Variants in CLSTN1 observed in about 807,000 individuals in gnomAD.
CLSTN1 encodes calsyntenin-1.
CLSTN1 carries 28 observed loss-of-function variants against 108.3 expected under a neutral mutation model. That is an observed-to-expected ratio of 0.26 (90% CI 0.19 to 0.35). The LOEUF (loss-of-function observed/expected upper bound fraction) is 0.35, where lower values mean the gene tolerates loss of function less well. Ranked by LOEUF, CLSTN1 falls within the 10% of genes least tolerant of loss-of-function variation. The pLI is 1.00. For synonymous variants in CLSTN1, 524 were observed against 534.9 expected (o/e 0.98, Z 0.28); for missense variants, 1,157 against 1,302.6 (o/e 0.89, Z 1.72).
Position 9,744,382 on chromosome 1 carries a change from G to C in CLSTN1, c.1234+13C>G, listed in dbSNP as rs1312301025. 2 of 1,598,482 alleles carry C rather than the reference G, an allele frequency of 1.3e-6. No homozygotes were observed. The highest frequency in any genetic ancestry group is 1.7e-6 in the Non-Finnish European group (2 of 1,171,972). ...ACTGGGGCCTGGCATCGCTTGCAGA[G>C]CTATTACCCTACCTGTTTTATCAGA... On this transcript the variant is annotated intron_variant, in intron 8 of 18. Coordinates refer to ENST00000377298, the MANE Select transcript of CLSTN1 (RefSeq NM_001009566.3).
intron 9 of CLSTN1, among the ~76,000 whole-genome samples, chr1:9,742,054 C>T (rs1054511735): frequency 3.9e-5 from 6 of 152,334 alleles, no homozygotes; most frequent in Middle Eastern, 3.4e-3. Context: ...AACTGTGTTC[C>T]CATCCTGTGA....
chr1:9,797,259 C>T (rs1166236106), intron 1 of CLSTN1, among the ~76,000 whole-genome samples: 1 of 151,720 alleles, frequency 6.6e-6, no homozygotes, highest in African/African-American at 2.4e-5. Context: ...TGAGTCCTGA[C>T]TGGGCAATGC....
intron 2 of CLSTN1, among the ~76,000 whole-genome samples, chr1:9,762,960 CTTTT>C (rs34695145): frequency 2.6e-5 from 4 of 151,096 alleles, no homozygotes; most frequent in Admixed American, 6.6e-5. Context: ...TTCGGGGTAC[CTTTT>C]TTTTTCTTTT....
chr1:9,818,871 C>T (rs1434985490), intron 1 of CLSTN1, among the ~76,000 whole-genome samples: 1 of 147,512 alleles, frequency 6.8e-6, no homozygotes, highest in Non-Finnish European at 1.5e-5. Flanking sequence ...ACTGCAAGCT[C>T]CACCTCCCGG....
chr1:9,823,800 G>T lies in CLSTN1; in HGVS notation c.-67C>A. 1 of 813,896 alleles carries T rather than the reference G, an allele frequency of 1.2e-6. No individual in the cohort carries two copies. Among genetic ancestry groups the T allele is most frequent in the Non-Finnish European group, 1.5e-6 (1 of 665,724 alleles). The allele number at this position is 813,896 out of a possible 1,614,324, so 50.4% of individuals were successfully genotyped here. ...CCGAGCGGAGCTCTCGGAGCTCTCGGGGCTCTAGGGGCCTGGGGCTAGCTG... is the reference window on the plus strand; with the variant it reads ...CCGAGCGGAGCTCTCGGAGCTCTCGTGGCTCTAGGGGCCTGGGGCTAGCTG... On this transcript the variant is annotated 5_prime_UTR_variant, in exon 1 of 19. Coordinates refer to ENST00000377298, the MANE Select transcript of CLSTN1 (RefSeq NM_001009566.3). The surrounding 1 kb of genome is among the most constrained non-coding windows in gnomAD (Gnocchi z 6.3).
chr1:9,767,984 CAATGAGGTCTGTGACATT>C (rs941617384), intron 2 of CLSTN1, among the ~76,000 whole-genome samples: 13 of 152,296 alleles, frequency 8.5e-5, no homozygotes, highest in African/African-American at 2.6e-4. Context: ...TCCCCCAAAC[CAATGAGGTCTGTGACATT>C]AATGAGGTCT....
At chr1:9,786,662 A>AAAC (rs1653505505) in intron 1 of CLSTN1, among the ~76,000 whole-genome samples, 1 of 150,302 alleles carries the variant, frequency 6.7e-6, no homozygotes, top group African/African-American at 2.4e-5. Flanking sequence ...AAAAAAAAAA[A>AAAC]AAAAAAAAAA....
At chr1:9,749,981 G>T in intron 5 of CLSTN1, 68 bp from the exon 6 acceptor site, 1 of 1,370,540 alleles carries the variant, frequency 7.3e-7, no homozygotes, top group East Asian at 2.3e-5. Flanking sequence ...TGTCCTAGGC[G>T]GAAAGACAAA....
At chr1:9,764,637 T>TAAAAAAAA (rs70998307) in intron 2 of CLSTN1, among the ~76,000 whole-genome samples, 1 of 82,332 alleles carries the variant, frequency 1.2e-5, no homozygotes, top group Non-Finnish European at 2.3e-5. Flanking sequence ...GCTCCATCTT[T>TAAAAAAAA]AAAAAAAAAA....
At chr1:9,776,797 T>C (rs536578852) in intron 1 of CLSTN1, among the ~76,000 whole-genome samples, 1 of 152,206 alleles carries the variant, frequency 6.6e-6, no homozygotes, top group Admixed American at 6.6e-5. Flanking sequence ...TCTCTATCTA[T>C]CTATCTATCT....
chr1:9,803,666 G>A (rs1654381946), intron 1 of CLSTN1, among the ~76,000 whole-genome samples: 1 of 152,022 alleles, frequency 6.6e-6, no homozygotes, highest in Non-Finnish European at 1.5e-5. Flanking sequence ...AGCTGGGTGT[G>A]GTGGTATATG....
chr1:9,784,125 T>C (rs934421237), intron 1 of CLSTN1, among the ~76,000 whole-genome samples: 4 of 147,278 alleles, frequency 2.7e-5, no homozygotes, highest in East Asian at 2.0e-4. Flanking sequence ...TGAGCCAAGA[T>C]TGCGCCACTG....
At chr1:9,767,949 C>CA (rs1248308178) in intron 2 of CLSTN1, among the ~76,000 whole-genome samples, 2 of 152,166 alleles carry the variant, frequency 1.3e-5, no homozygotes, top group Non-Finnish European at 2.9e-5. Flanking sequence ...AAGCTCTTCA[C>CA]ACGTATGAAT....
At chr1:9,795,915 A>T (rs1653968616) in intron 1 of CLSTN1, among the ~76,000 whole-genome samples, 1 of 149,636 alleles carries the variant, frequency 6.7e-6, no homozygotes, top group African/African-American at 2.4e-5. Flanking sequence ...TGATCACACT[A>T]CTGCACTCCA....
chr1:9,816,651 G>A (rs962585068), intron 1 of CLSTN1, among the ~76,000 whole-genome samples: 3 of 151,370 alleles, frequency 2.0e-5, no homozygotes. Context: ...TGACAAAAGT[G>A]GTCTTTTTTT....
intron 13 of CLSTN1, 81 bp from the exon 14 acceptor site, chr1:9,735,255 G>T: frequency 1.3e-6 from 2 of 1,494,106 alleles, no homozygotes; most frequent in Non-Finnish European, 1.9e-6. Flanking sequence ...ATGGAGGTGG[G>T]ATACAGAGGC....
intron 2 of CLSTN1, among the ~76,000 whole-genome samples, chr1:9,767,974 T>G (rs1652431101): frequency 6.6e-6 from 1 of 152,046 alleles, no homozygotes; most frequent in South Asian, 2.1e-4. Context: ...AAGCTAACAT[T>G]CCCCCAAACC....
Position 9,734,866 on chromosome 1 carries a change from G to A in CLSTN1, c.2110+82C>T. On this transcript the variant is annotated intron_variant, in intron 14 of 18. Coordinates refer to ENST00000377298, the MANE Select transcript of CLSTN1 (RefSeq NM_001009566.3). The surrounding 1 kb of genome is among the most constrained non-coding windows in gnomAD (Gnocchi z 4.8). ...TTAAAACCTCCCCAAATCCCACAGAGACAAAGAGCCCCGCCAAGTACATGG... is the reference window on the plus strand; with the variant it reads ...TTAAAACCTCCCCAAATCCCACAGAAACAAAGAGCCCCGCCAAGTACATGG... The A allele has an allele frequency of 1.7e-6, 2 of 1,204,478 alleles. No homozygotes were observed. The highest frequency in any genetic ancestry group is 1.2e-5 in the South Asian group (1 of 81,072). The allele number at this position is 1,204,478 out of a possible 1,614,324, so 74.6% of individuals were successfully genotyped here.
At chr1:9,750,308 C>A in intron 5 of CLSTN1, 1 of 184,344 alleles carries the variant, frequency 5.4e-6, no homozygotes, top group South Asian at 1.1e-4. Context: ...TTCCTACCCC[C>A]ACCTGCTTAG....
Sources: allele counts gnomAD v4.1 joint callset (sites outside exome capture counted in the v4.1 genomes callset), GRCh38; gene constraint gnomAD v4.1.1; non-coding constraint Gnocchi (gnomAD v3.1); transcripts MANE v1.5; gene names NCBI Gene and HGNC (gene_info 2026-07-23, HGNC 2026-07-21).